Variants in PRKCA observed in about 807,000 individuals in gnomAD.
The protein encoded by PRKCA is protein kinase C alpha type.
PRKCA carries 27 observed loss-of-function variants against 87.0 expected under a neutral mutation model. The ratio of observed to expected loss-of-function variants is 0.31; its 90% CI spans 0.23 to 0.43. The LOEUF (loss-of-function observed/expected upper bound fraction) is 0.43, where lower values mean the gene tolerates loss of function less well. PRKCA is among the 20% of genes least tolerant of loss of function. PRKCA has a pLI of 1.00. For missense variants in PRKCA, 518 were observed against 852.3 expected (o/e 0.61, Z 4.88); for synonymous variants, 329 against 311.1 (o/e 1.06, Z -0.61).
chr17:66,645,122 A>G (rs900431842), intron 4 of PRKCA, among the ~76,000 whole-genome samples: 5 of 152,252 alleles, frequency 3.3e-5, no homozygotes, highest in African/African-American at 9.6e-5. Flanking sequence ...ACTTGAAACA[A>G]TCACAGAAGC....
At chr17:66,363,789 G>C (rs1448544518) in intron 2 of PRKCA, among the ~76,000 whole-genome samples, 1 of 152,158 alleles carries the variant, frequency 6.6e-6, no homozygotes, top group Non-Finnish European at 1.5e-5. Flanking sequence ...TGCAACCTCT[G>C]CCTCCCGGGT....
chr17:66,571,578 AG>A (rs892527767), intron 3 of PRKCA, among the ~76,000 whole-genome samples: 1 of 152,308 alleles, frequency 6.6e-6, no homozygotes, highest in East Asian at 1.9e-4. Context: ...TAACTGAAAG[AG>A]GGAAAAAAAC....
At chr17:66,587,932 T>TATA in intron 3 of PRKCA, among the ~76,000 whole-genome samples, 1 of 136,188 alleles carries the variant, frequency 7.3e-6, no homozygotes, top group East Asian at 2.1e-4. Flanking sequence ...TATATATATA[T>TATA]CCTGCAGTAG....
At chr17:66,630,827 C>T (rs910342624) in intron 3 of PRKCA, among the ~76,000 whole-genome samples, 3 of 152,174 alleles carry the variant, frequency 2.0e-5, no homozygotes, top group East Asian at 1.9e-4. Flanking sequence ...CCTAACCCAT[C>T]CTGTGGCTCT....
intron 1 of PRKCA, among the ~76,000 whole-genome samples, chr17:66,304,882 A>AGTT (rs1904721697): frequency 6.6e-6 from 1 of 152,020 alleles, no homozygotes; most frequent in African/African-American, 2.4e-5. Flanking sequence ...GGTTAAGAGG[A>AGTT]GGTCAGCTGT....
At chr17:66,447,073 C>G (rs969245420) in intron 2 of PRKCA, among the ~76,000 whole-genome samples, 1 of 152,186 alleles carries the variant, frequency 6.6e-6, no homozygotes, top group Non-Finnish European at 1.5e-5. Context: ...GCTTCGATAT[C>G]AAGCCATCAA....
At chr17:66,763,540 T>TGTTACATGTAAAGAGTG (rs1453545358) in intron 13 of PRKCA, among the ~76,000 whole-genome samples, 3 of 152,246 alleles carry the variant, frequency 2.0e-5, no homozygotes, top group African/African-American at 7.2e-5. Context: ...CTGTGTTCTA[T>TGTTACATGTAAAGAGTG]CCTTGGGAAT....
chr17:66,506,496 T>C (rs1329750852), intron 3 of PRKCA, among the ~76,000 whole-genome samples: 7 of 152,296 alleles, frequency 4.6e-5, no homozygotes, highest in African/African-American at 1.7e-4. Context: ...CAAAAAGTAT[T>C]CGTTGAACCA....
intron 2 of PRKCA, among the ~76,000 whole-genome samples, chr17:66,369,497 G>A (rs1182820115): frequency 2.6e-5 from 4 of 152,192 alleles, no homozygotes; most frequent in Non-Finnish European, 5.9e-5. Flanking sequence ...TCAGCTAGAT[G>A]TTGATCAGAT....
At chr17:66,736,218 A>G (rs921344949) in intron 10 of PRKCA, among the ~76,000 whole-genome samples, 2 of 150,874 alleles carry the variant, frequency 1.3e-5, no homozygotes, top group African/African-American at 2.4e-5. Context: ...GGTTTTCTTC[A>G]TGCCTGGTAC....
intron 3 of PRKCA, among the ~76,000 whole-genome samples, chr17:66,627,864 T>C (rs144413231): frequency 6.6e-6 from 1 of 152,104 alleles, no homozygotes; most frequent in Non-Finnish European, 1.5e-5. Context: ...AGAAAAGGAA[T>C]GAAGGGGTAT....
At chr17:66,433,042 G>A (rs538437158) in intron 2 of PRKCA, among the ~76,000 whole-genome samples, 61 of 152,296 alleles carry the variant, frequency 4.0e-4, no homozygotes, top group African/African-American at 1.4e-3. Context: ...GCAGTTAGCC[G>A]GGGGGAAGGA....
chr17:66,319,886 C>T (rs371975300), intron 2 of PRKCA, among the ~76,000 whole-genome samples: 15 of 151,984 alleles, frequency 9.9e-5, no homozygotes, highest in Admixed American at 3.9e-4. Flanking sequence ...GGATTACAGG[C>T]GCCTGCCACC....
At chr17:66,794,033 G>A (rs892319524) in intron 16 of PRKCA, among the ~76,000 whole-genome samples, 1 of 152,158 alleles carries the variant, frequency 6.6e-6, no homozygotes, top group Non-Finnish European at 1.5e-5. Flanking sequence ...TTTAGTTCTA[G>A]CCGTTGGCAC....
intron 2 of PRKCA, among the ~76,000 whole-genome samples, chr17:66,371,360 A>G (rs1909094983): frequency 6.6e-6 from 1 of 152,174 alleles, no homozygotes; most frequent in Non-Finnish European, 1.5e-5. Context: ...GTGTTTGTGA[A>G]ATGACCATTC....
intron 8 of PRKCA, among the ~76,000 whole-genome samples, chr17:66,714,027 G>A (rs956352504): frequency 3.3e-5 from 5 of 152,232 alleles, no homozygotes; most frequent in East Asian, 1.9e-4. Flanking sequence ...CACAATAATT[G>A]TATTAATTTA....
intron 3 of PRKCA, among the ~76,000 whole-genome samples, chr17:66,592,832 G>A (rs1969850599): frequency 1.3e-5 from 2 of 151,984 alleles, no homozygotes; most frequent in African/African-American, 2.4e-5. Context: ...TCGCTCTGTC[G>A]CCCAGGCTGG....
At chr17:66,774,359 G>A in intron 14 of PRKCA, 1 of 1,207,240 alleles carries the variant, frequency 8.3e-7, no homozygotes, top group Non-Finnish European at 1.0e-6. Context: ...GGTGGCTCAT[G>A]GCTATAATCC....
chr17:66,724,971 T>C (rs1973706947), intron 8 of PRKCA, among the ~76,000 whole-genome samples: 1 of 152,188 alleles, frequency 6.6e-6, no homozygotes, highest in South Asian at 2.1e-4. Flanking sequence ...TCACTGTTGC[T>C]CTTGAGCCAG....
Sources: allele counts gnomAD v4.1 joint callset (sites outside exome capture counted in the v4.1 genomes callset), GRCh38; gene constraint gnomAD v4.1.1; transcripts MANE v1.5; gene names NCBI Gene and HGNC (gene_info 2026-07-23, HGNC 2026-07-21).